Variants in KDM2A observed in about 807,000 individuals in gnomAD.
KDM2A encodes the protein lysine demethylase 2A.
A neutral mutation model predicts 137.3 loss-of-function variants in KDM2A; 3 were observed. That is an observed-to-expected ratio of 0.02 (90% confidence interval 0.01 to 0.06). The LOEUF (loss-of-function observed/expected upper bound fraction) is 0.06, where lower values mean the gene tolerates loss of function less well. Ranked by LOEUF, KDM2A falls within the 10% of genes least tolerant of loss-of-function variation. The pLI, the probability that KDM2A is intolerant of heterozygous loss-of-function variation, is 1.00. For missense variants in KDM2A, 738 were observed against 1,510.6 expected (o/e 0.49, Z 8.48); for synonymous variants, 512 against 541.5 (o/e 0.95, Z 0.76).
chr11:67,244,949 G>C (rs1859160994), intron 13 of KDM2A: 1 of 455,982 alleles, frequency 2.2e-6, no homozygotes, highest in African/African-American at 2.0e-5. Context: ...TCATGCCACT[G>C]TATTCCAGCC....
chr11:67,202,443 A>G (rs776037478), intron 5 of KDM2A, among the ~76,000 whole-genome samples: 4 of 152,150 alleles, frequency 2.6e-5, no homozygotes, highest in Non-Finnish European at 5.9e-5. Context: ...GAAAGGAAGT[A>G]TCAATCCATG....
chr11:67,226,338 C>T (rs963093222), intron 10 of KDM2A, among the ~76,000 whole-genome samples: 9 of 152,182 alleles, frequency 5.9e-5, no homozygotes, highest in African/African-American at 2.2e-4. Context: ...CTGAAATAGA[C>T]AATCCTGATG....
In KDM2A at chr11:67,176,198, G is replaced by T. The variant is rs538214277; in HGVS notation, c.43-3881G>T. Among the ~76,000 whole-genome samples the T allele has an allele frequency of 1.2e-4, 18 of 152,162 alleles. No homozygotes were observed. The South Asian group carries it at 3.7e-3, about 32-fold the overall frequency. On this transcript the variant is annotated intron_variant, in intron 2 of 20. Coordinates refer to ENST00000529006, the MANE Select transcript of KDM2A (RefSeq NM_012308.3). ...CCTTTTGTGTTTTTGCCTAAAACTTGTAAGTTGAATCTTGCTTTCCTCTGG... is the reference window on the plus strand; with the variant it reads ...CCTTTTGTGTTTTTGCCTAAAACTTTTAAGTTGAATCTTGCTTTCCTCTGG...
At chr11:67,141,228 C>T (rs1382295826) in intron 2 of KDM2A, among the ~76,000 whole-genome samples, 2 of 152,006 alleles carry the variant, frequency 1.3e-5, no homozygotes, top group Non-Finnish European at 1.5e-5. Context: ...AACAATTTTT[C>T]CATATTGTTT....
At chr11:67,225,152 CTT>C (rs1335587298) in intron 10 of KDM2A, among the ~76,000 whole-genome samples, 2 of 152,082 alleles carry the variant, frequency 1.3e-5, no homozygotes, top group Non-Finnish European at 2.9e-5. Context: ...CCCAAGATAA[CTT>C]TGCCACGAAC....
At chr11:67,211,262 G>A (rs766653235) in intron 6 of KDM2A, among the ~76,000 whole-genome samples, 2 of 151,904 alleles carry the variant, frequency 1.3e-5, no homozygotes, top group Non-Finnish European at 2.9e-5. Flanking sequence ...TTTTAAGTGT[G>A]CATTTCAGTG....
Position 67,254,844 on chromosome 11 carries a change from G to A in KDM2A, c.3308-30G>A, listed in dbSNP as rs774811418. 1.3e-6 allele frequency: 2 copies of A among 1,596,988 alleles called. No individual in the cohort carries two copies. The highest frequency in any genetic ancestry group is 1.7e-6 in the Non-Finnish European group (2 of 1,165,056). On this transcript the variant is annotated intron_variant, in intron 20 of 20. Transcript: ENST00000529006. The surrounding 1 kb of genome is among the most constrained non-coding windows in gnomAD (Gnocchi z 4.7). Reference sequence around the variant, plus strand: ...GCAGAGGAAAGCTGTGTGTATGTGAGCACTGTCATTATGTCCACTTTCCCG... The same window carrying A: ...GCAGAGGAAAGCTGTGTGTATGTGAACACTGTCATTATGTCCACTTTCCCG...
intron 2 of KDM2A, among the ~76,000 whole-genome samples, chr11:67,143,899 TG>T (rs1730367914): frequency 1.3e-5 from 2 of 152,182 alleles, no homozygotes; most frequent in African/African-American, 4.8e-5. Flanking sequence ...CCCAAAGTGC[TG>T]GGTTTACAGG....
At chr11:67,124,537 TC>T (rs1223624320) in intron 2 of KDM2A, among the ~76,000 whole-genome samples, 1 of 148,756 alleles carries the variant, frequency 6.7e-6, no homozygotes, top group Non-Finnish European at 1.5e-5. Context: ...GGTGTCGAAC[TC>T]CTGACCTCAG....
chr11:67,197,625 T>C (rs1302514139), intron 5 of KDM2A, among the ~76,000 whole-genome samples: 1 of 152,250 alleles, frequency 6.6e-6, no homozygotes, highest in Non-Finnish European at 1.5e-5. Flanking sequence ...TGTCAGTTTA[T>C]GTCTCAGAAA....
At chr11:67,239,493 G>A (rs1255513057) in intron 12 of KDM2A, among the ~76,000 whole-genome samples, 6 of 152,218 alleles carry the variant, frequency 3.9e-5, no homozygotes, top group African/African-American at 1.4e-4. Context: ...GGCAGATTCT[G>A]GATTGTGGGC....
intron 2 of KDM2A, among the ~76,000 whole-genome samples, chr11:67,141,675 A>AG (rs2136294478): frequency 1.3e-5 from 1 of 75,970 alleles, no homozygotes; most frequent in East Asian, 3.7e-4. Flanking sequence ...CAAAAAAAAA[A>AG]AAAAAAAATA....
At chr11:67,138,202 A>T (rs1027868554) in intron 2 of KDM2A, among the ~76,000 whole-genome samples, 28 of 152,198 alleles carry the variant, frequency 1.8e-4, no homozygotes, top group Non-Finnish European at 2.5e-4. Context: ...TTTACCTAGT[A>T]AGAGTAGACT....
chr11:67,168,951 G>GTTT (rs11335055), intron 2 of KDM2A, among the ~76,000 whole-genome samples: 3 of 62,226 alleles, frequency 4.8e-5, no homozygotes, highest in African/African-American at 1.2e-4. Context: ...AATCCATGTA[G>GTTT]TTTTTTTTTT....
intron 2 of KDM2A, among the ~76,000 whole-genome samples, chr11:67,130,087 CT>C (rs1855820284): frequency 6.6e-6 from 1 of 150,936 alleles, no homozygotes; most frequent in Non-Finnish European, 1.5e-5. Context: ...CTCAGCCTCC[CT>C]AGTAGCTGGG....
Position 67,231,598 on chromosome 11 carries a change from G to A in KDM2A, c.1117G>A (p.Gly373Arg), listed in dbSNP as rs1206487312. The A allele has an allele frequency of 1.2e-6, 2 of 1,609,814 alleles. No homozygotes were observed. The highest frequency in any genetic ancestry group is 1.7e-6 in the Non-Finnish European group (2 of 1,178,078). The change falls in exon 12 of 21, where the codon GGG (glycine) becomes AGG (arginine). Residue 373 changes from glycine to arginine, a missense_variant. This residue lies in a region of KDM2A where 113 missense variants were observed against 133.5 expected (regional missense o/e 0.85). Transcript: ENST00000529006. ...LELNGLESGN[G>R]DEEAVDREPR... Reference sequence around the variant, plus strand: ...GTTAAATGGGTTGGAGTCTGGGAATGGGGATGAGGAAGCAGTGGATCGAGA... The same window carrying A: ...GTTAAATGGGTTGGAGTCTGGGAATAGGGATGAGGAAGCAGTGGATCGAGA...
Position 67,131,709 on chromosome 11 carries a change from G to A in KDM2A, c.42+10351G>A, listed in dbSNP as rs11227700. ...TTACAGGCATGAGCCACGACTTTCC[G>A]CCTACTTTAACATTTTCTTGCTAAC... On this transcript the variant is annotated intron_variant, in intron 2 of 20. Transcript: ENST00000529006. Among the ~76,000 whole-genome samples, 1,170 of 152,164 alleles carry A rather than the reference G, an allele frequency of 7.7e-3. 8 individuals carry two copies. Among genetic ancestry groups the A allele is most frequent in the Non-Finnish European group, 0.011 (743 of 68,012 alleles).
At position 67,121,508 on chromosome 11, in the gene KDM2A, GA is replaced by G. The variant is rs991764318; in HGVS notation, c.42+152del. The G allele has an allele frequency of 4.6e-6, 3 of 656,906 alleles. No individual in the cohort carries two copies. In the African/African-American group the frequency reaches 5.5e-5, roughly 12 times the overall value. 40.7% of individuals were successfully genotyped at this position (656,906 alleles called of 1,614,324 possible). A position where few individuals can be genotyped will look rare whatever the true frequency, so the allele number is the denominator to read the frequency against. On this transcript the variant is annotated intron_variant, in intron 2 of 20. Transcript: ENST00000529006. ...GGAGGGGGAAAGGTGTATTAATATC[GA>G]ATTTGGCTTTTGGCCAAACATGTTT...
In KDM2A at chr11:67,254,193, G is replaced by A. The variant is rs757329876; in HGVS notation, c.3092-10G>A. On this transcript the variant is annotated splice_polypyrimidine_tract_variant and intron_variant, in intron 19 of 20. Coordinates refer to ENST00000529006, the MANE Select transcript of KDM2A (RefSeq NM_012308.3). The surrounding 1 kb of genome is among the most constrained non-coding windows in gnomAD (Gnocchi z 4.7). ...GAGTTTTGATCTAGGCTCTTCTCTT[G>A]CCTGTACAGGTCAGGACAATCGCAG... The A allele has an allele frequency of 1.9e-6, 3 of 1,611,976 alleles. No individual in the cohort carries two copies. Among genetic ancestry groups the A allele is most frequent in the East Asian group, 2.2e-5 (1 of 44,872 alleles).
Sources: allele counts gnomAD v4.1 joint callset (sites outside exome capture counted in the v4.1 genomes callset), GRCh38; gene constraint gnomAD v4.1.1; regional missense constraint gnomAD v4.1.1; non-coding constraint Gnocchi (gnomAD v3.1); transcripts MANE v1.5; gene names NCBI Gene and HGNC (gene_info 2026-07-23, HGNC 2026-07-21).